RBFOX1: variants seen among roughly 807,000 people sequenced by gnomAD.
The protein encoded by RBFOX1 is RNA binding fox-1 homolog 1, also known as RNA binding protein fox-1 homolog 1.
Under a neutral mutation model 57.7 loss-of-function variants are expected in RBFOX1, and 8 were observed. That is an observed-to-expected ratio of 0.14 (90% CI 0.08 to 0.25). The LOEUF (loss-of-function observed/expected upper bound fraction) is 0.25, where lower values mean the gene tolerates loss of function less well. RBFOX1 is among the 10% of genes least tolerant of loss of function. RBFOX1 has a pLI of 1.00. For synonymous variants in RBFOX1, 326 were observed against 222.4 expected (o/e 1.47, Z -4.15); for missense variants, 611 against 548.5 (o/e 1.11, Z -1.14).
chr16:6,867,047 CTAT>C (rs2060065811), intron 3 of RBFOX1, among the ~76,000 whole-genome samples: 1 of 150,648 alleles, frequency 6.6e-6, no homozygotes, highest in African/African-American at 2.4e-5. Context: ...CCATGTCTTG[CTAT>C]TATTATGAGT....
intron 4 of RBFOX1, among the ~76,000 whole-genome samples, chr16:7,313,475 C>T (rs1401308301): frequency 6.9e-5 from 10 of 144,248 alleles, no homozygotes; most frequent in African/African-American, 1.0e-4. Context: ...CTTTTCTTGT[C>T]TTTTTTTTTT....
intron 2 of RBFOX1, among the ~76,000 whole-genome samples, chr16:5,574,476 C>T (rs1385945619): frequency 2.6e-5 from 4 of 150,966 alleles, no homozygotes; most frequent in African/African-American, 9.8e-5. Flanking sequence ...AGTGCAGTGG[C>T]ACAATCTTGG....
At chr16:6,733,480 G>A (rs890221210) in intron 3 of RBFOX1, among the ~76,000 whole-genome samples, 3 of 152,136 alleles carry the variant, frequency 2.0e-5, no homozygotes, top group African/African-American at 7.2e-5. Flanking sequence ...TTTTATAAGG[G>A]CAATAGCAGA....
At chr16:5,834,107 C>G (rs1240763887) in intron 3 of RBFOX1, among the ~76,000 whole-genome samples, 1 of 152,320 alleles carries the variant, frequency 6.6e-6, no homozygotes, top group South Asian at 2.1e-4. Flanking sequence ...GTGAATTCTG[C>G]TTATTTTAAG....
At chr16:7,494,229 G>C (rs1166197380) in intron 4 of RBFOX1, among the ~76,000 whole-genome samples, 1 of 152,124 alleles carries the variant, frequency 6.6e-6, no homozygotes, top group Non-Finnish European at 1.5e-5. Flanking sequence ...GATGAGATTG[G>C]CCTTGCTGAA....
intron 3 of RBFOX1, among the ~76,000 whole-genome samples, chr16:7,051,556 T>C (rs956767874): frequency 9.2e-5 from 14 of 152,240 alleles, no homozygotes; most frequent in Non-Finnish European, 1.8e-4. Flanking sequence ...GGGGACTTAC[T>C]ACCATCTGAT....
At chr16:6,656,773 G>A (rs914553763) in intron 3 of RBFOX1, among the ~76,000 whole-genome samples, 10 of 152,002 alleles carry the variant, frequency 6.6e-5, no homozygotes, top group Admixed American at 6.6e-4. Flanking sequence ...CAGTTAATTG[G>A]TGATGCATCT....
intron 2 of RBFOX1, among the ~76,000 whole-genome samples, chr16:6,405,350 C>A (rs1268910418): frequency 2.0e-5 from 3 of 152,140 alleles, no homozygotes; most frequent in Non-Finnish European, 4.4e-5. Flanking sequence ...TCCTGAATCT[C>A]AATAGCTTCA....
chr16:6,901,301 C>T (rs2068429311), intron 3 of RBFOX1, among the ~76,000 whole-genome samples: 1 of 152,212 alleles, frequency 6.6e-6, no homozygotes, highest in Non-Finnish European at 1.5e-5. Context: ...TCTCCGTGGG[C>T]TCATTTTAGC....
intron 1 of RBFOX1, among the ~76,000 whole-genome samples, chr16:6,122,460 C>T (rs1448140597): frequency 6.6e-6 from 1 of 152,008 alleles, no homozygotes; most frequent in Non-Finnish European, 1.5e-5. Context: ...TATGAATTCC[C>T]TAATCCTTTT....
intron 4 of RBFOX1, among the ~76,000 whole-genome samples, chr16:7,117,339 A>G (rs146521351): frequency 8.5e-4 from 129 of 152,316 alleles, no homozygotes; most frequent in African/African-American, 2.8e-3. Flanking sequence ...GTAATGTGTC[A>G]ACAACCCTAA....
intron 1 of RBFOX1, among the ~76,000 whole-genome samples, chr16:5,367,361 A>T (rs1420517553): frequency 1.3e-5 from 2 of 152,122 alleles, no homozygotes; most frequent in African/African-American, 4.8e-5. Flanking sequence ...TGGCTGGAGG[A>T]TTACTCCTAG....
At chr16:7,456,722 A>G (rs1026203976) in intron 4 of RBFOX1, among the ~76,000 whole-genome samples, 14 of 152,086 alleles carry the variant, frequency 9.2e-5, no homozygotes, top group Non-Finnish European at 1.8e-4. Flanking sequence ...GGGTGCCCGT[A>G]GAATCGCCAC....
intron 4 of RBFOX1, among the ~76,000 whole-genome samples, chr16:7,270,333 A>C (rs1422379299): frequency 6.6e-6 from 1 of 152,234 alleles, no homozygotes; most frequent in Non-Finnish European, 1.5e-5. Flanking sequence ...AACCAAACAG[A>C]ATTACTTGTT....
intron 4 of RBFOX1, among the ~76,000 whole-genome samples, chr16:7,291,751 C>T (rs1168993260): frequency 6.6e-6 from 1 of 151,640 alleles, no homozygotes; most frequent in African/African-American, 2.4e-5. Context: ...GAGGAGAGGT[C>T]ATGGCTAGGG....
intron 2 of RBFOX1, among the ~76,000 whole-genome samples, chr16:5,550,961 G>A (rs901325489): frequency 2.6e-5 from 4 of 152,306 alleles, no homozygotes; most frequent in Admixed American, 6.5e-5. Context: ...GGAAGGTTAA[G>A]CCTTGAGAAG....
intron 14 of RBFOX1, among the ~76,000 whole-genome samples, chr16:7,707,238 A>G (rs73498770): frequency 0.029 from 4,456 of 152,208 alleles, 200 homozygotes; most frequent in African/African-American, 0.095. Context: ...GGTATAATCA[A>G]TTGTTTTATT....
At chr16:6,980,272 A>G (rs992340333) in intron 3 of RBFOX1, among the ~76,000 whole-genome samples, 1 of 152,164 alleles carries the variant, frequency 6.6e-6, no homozygotes, top group Admixed American at 6.5e-5. Flanking sequence ...GTCAGGTGTG[A>G]GTGTGTGCGT....
At chr16:5,307,318 C>A (rs1357205393) in intron 1 of RBFOX1, among the ~76,000 whole-genome samples, 1 of 152,208 alleles carries the variant, frequency 6.6e-6, no homozygotes, top group African/African-American at 2.4e-5. Flanking sequence ...TCTCTTGAAT[C>A]TGCTTCACAC....
Sources: allele counts gnomAD v4.1 joint callset (sites outside exome capture counted in the v4.1 genomes callset), GRCh38; gene constraint gnomAD v4.1.1; transcripts MANE v1.5; gene names NCBI Gene and HGNC (gene_info 2026-07-23, HGNC 2026-07-21).